L3MBTL4: variants seen among roughly 807,000 people sequenced by gnomAD.
L3MBTL4 encodes the protein lethal(3)malignant brain tumor-like protein 4.
L3MBTL4 carries 70 observed loss-of-function variants against 84.5 expected under a neutral mutation model. That is an observed-to-expected ratio of 0.83 (90% CI 0.68 to 1.01). The LOEUF (loss-of-function observed/expected upper bound fraction) is 1.01, where lower values mean the gene tolerates loss of function less well. L3MBTL4 is among the 50% of genes least tolerant of loss of function. The probability of loss-of-function intolerance (pLI) is 0.00; values close to 1 mark genes in which losing one functional copy is unlikely to be tolerated. For synonymous variants in L3MBTL4, 274 were observed against 259.8 expected, an observed-to-expected ratio of 1.05 and a Z score of -0.52; for missense variants, 715 against 754.8, an observed-to-expected ratio of 0.95 and a Z score of 0.62.
chr18:6,086,077 G>A (rs1186329718), intron 15 of L3MBTL4, among the ~76,000 whole-genome samples: 1 of 152,126 alleles, frequency 6.6e-6, no homozygotes, highest in Admixed American at 6.6e-5. Context: ...CTACTCAACT[G>A]TATTTTTTCT....
intron 16 of L3MBTL4, among the ~76,000 whole-genome samples, chr18:6,033,671 T>C (rs563540517): frequency 6.6e-6 from 1 of 152,344 alleles, no homozygotes; most frequent in East Asian, 1.9e-4. Flanking sequence ...GTTTTTGTAA[T>C]GAAATGTTGC....
chr18:6,408,922 C>T (rs1436005823), intron 1 of L3MBTL4, among the ~76,000 whole-genome samples: 1 of 152,126 alleles, frequency 6.6e-6, no homozygotes, highest in Admixed American at 6.5e-5. Flanking sequence ...GGCAATCCAC[C>T]CTCCTCGGCC....
chr18:6,195,871 A>C (rs1333915326), intron 12 of L3MBTL4, among the ~76,000 whole-genome samples: 1 of 152,130 alleles, frequency 6.6e-6, no homozygotes, highest in Non-Finnish European at 1.5e-5. Flanking sequence ...CAGAGCAGAC[A>C]ATGTAATATT....
chr18:6,309,635 T>C (rs547831358), intron 3 of L3MBTL4, among the ~76,000 whole-genome samples: 2 of 152,054 alleles, frequency 1.3e-5, no homozygotes, highest in Admixed American at 6.5e-5. Context: ...CAATGTGGGG[T>C]AGAAATAATG....
intron 16 of L3MBTL4, among the ~76,000 whole-genome samples, chr18:6,037,131 A>T (rs2056178208): frequency 6.6e-6 from 1 of 152,138 alleles, no homozygotes. Flanking sequence ...CAGCAGTCAG[A>T]GCACAGATCC....
At chr18:6,285,809 ATATTATTATTATTATTAT>A (rs139613072) in intron 4 of L3MBTL4, among the ~76,000 whole-genome samples, 1,740 of 143,228 alleles carry the variant, frequency 0.012, 19 homozygotes, top group South Asian at 0.019. Flanking sequence ...TTTAAAAGAT[ATATTATTATTATTATTAT>A]TATTATTATT....
chr18:6,202,898 A>C (rs919890319), intron 12 of L3MBTL4, among the ~76,000 whole-genome samples: 7 of 152,204 alleles, frequency 4.6e-5, no homozygotes, highest in Admixed American at 6.5e-5. Context: ...CAGTAGATAC[A>C]ATTTTTAAAG....
chr18:5,967,672 G>A (rs2052420666), intron 17 of L3MBTL4, among the ~76,000 whole-genome samples: 1 of 152,204 alleles, frequency 6.6e-6, no homozygotes, highest in African/African-American at 2.4e-5. Flanking sequence ...GAGTGCAGAT[G>A]CCCTGCCAGA....
chr18:6,117,575 T>C (rs933448645), intron 14 of L3MBTL4, among the ~76,000 whole-genome samples: 1 of 152,194 alleles, frequency 6.6e-6, no homozygotes, highest in African/African-American at 2.4e-5. Flanking sequence ...AGTTAAAGGA[T>C]GTAAGTTCAA....
At chr18:6,311,278 C>T (rs1376268279) in intron 3 of L3MBTL4, among the ~76,000 whole-genome samples, 1 of 151,944 alleles carries the variant, frequency 6.6e-6, no homozygotes, top group African/African-American at 2.4e-5. Flanking sequence ...CAGTTTACAG[C>T]TTCCGTTCTC....
At chr18:6,170,072 T>C (rs985255867) in intron 13 of L3MBTL4, among the ~76,000 whole-genome samples, 12 of 152,272 alleles carry the variant, frequency 7.9e-5, no homozygotes, top group African/African-American at 2.4e-4. Flanking sequence ...TATAAATTCA[T>C]GCGATAGATA....
At chr18:5,965,256 C>T (rs976171230) in intron 17 of L3MBTL4, among the ~76,000 whole-genome samples, 1 of 152,186 alleles carries the variant, frequency 6.6e-6, no homozygotes, top group Non-Finnish European at 1.5e-5. Context: ...AGTTAAGAGG[C>T]AGCTCACAGC....
At chr18:5,961,914 C>T (rs2095265415) in intron 17 of L3MBTL4, among the ~76,000 whole-genome samples, 1 of 152,158 alleles carries the variant, frequency 6.6e-6, no homozygotes, top group Non-Finnish European at 1.5e-5. Context: ...AGTGGCAGTG[C>T]TGTTGGTGGC....
chr18:6,341,429 T>C (rs2143507079), intron 1 of L3MBTL4, among the ~76,000 whole-genome samples: 1 of 151,978 alleles, frequency 6.6e-6, no homozygotes, highest in East Asian at 1.9e-4. Flanking sequence ...AACAAAAAGA[T>C]ACACACCTTT....
chr18:6,327,377 G>T (rs1206187930), intron 1 of L3MBTL4, among the ~76,000 whole-genome samples: 1 of 152,088 alleles, frequency 6.6e-6, no homozygotes, highest in Admixed American at 6.6e-5. Flanking sequence ...CCATCAGTAG[G>T]AAAATGAATA....
intron 16 of L3MBTL4, among the ~76,000 whole-genome samples, chr18:5,974,839 C>CTGTA (rs2144886540): frequency 6.6e-6 from 1 of 152,114 alleles, no homozygotes; most frequent in South Asian, 2.1e-4. Flanking sequence ...TGACATGCAC[C>CTGTA]TGTAGTCTTG....
At chr18:6,389,030 T>C (rs555055703) in intron 1 of L3MBTL4, among the ~76,000 whole-genome samples, 164 of 152,200 alleles carry the variant, frequency 1.1e-3, no homozygotes, top group Non-Finnish European at 2.0e-3. Context: ...CATAAGCCTT[T>C]CTGGGCTCTG....
intron 1 of L3MBTL4, among the ~76,000 whole-genome samples, chr18:6,334,198 T>A (rs780250839): frequency 6.6e-6 from 1 of 152,196 alleles, no homozygotes; most frequent in African/African-American, 2.4e-5. Context: ...AACGTTGACC[T>A]AAGACCATTT....
chr18:6,201,845 C>T (rs1453636106), intron 12 of L3MBTL4, among the ~76,000 whole-genome samples: 1 of 151,970 alleles, frequency 6.6e-6, no homozygotes, highest in Non-Finnish European at 1.5e-5. Context: ...TAAATATGTA[C>T]AAAATTGCAC....
Sources: gnomAD v4.1 joint callset for allele counts (sites outside exome capture counted in the v4.1 genomes callset) on GRCh38, gnomAD v4.1.1 for gene constraint, MANE v1.5 for transcripts, NCBI Gene and HGNC (gene_info 2026-07-23, HGNC 2026-07-21) for gene names.